Variants in SASH1 observed in about 807,000 individuals in gnomAD.
SASH1 encodes the protein SAM and SH3 domain containing 1, also known as SAM and SH3 domain-containing protein 1.
SASH1 carries 44 observed loss-of-function variants against 125.2 expected under a neutral mutation model. The ratio of observed to expected loss-of-function variants is 0.35; its 90% CI spans 0.28 to 0.45. SASH1 has a LOEUF of 0.45. Ranked by LOEUF, SASH1 falls within the 20% of genes least tolerant of loss-of-function variation. The probability of loss-of-function intolerance (pLI) is 1.00; values close to 1 mark genes in which losing one functional copy is unlikely to be tolerated. For synonymous variants in SASH1, 639 were observed against 649.1 expected (o/e 0.98, Z 0.24); for missense variants, 1,426 against 1,614.5 (o/e 0.88, Z 2.00).
Position 148,544,353 on chromosome 6 carries a change from C to A in SASH1, c.2883C>A (p.His961Gln). ...HRKGHEFEGT[H>Q]HPLGTKEGVD... is the part of the protein sequence containing the mutation. ...AAGGACACGAGTTTGAAGGAACACA[C>A]CATCCCCTGGGCACCAAAGAAGGGG... The change falls in exon 18 of 20, where the codon CAC becomes CAA. Residue 961 changes from histidine (H) to glutamine (Q), a missense_variant. Physicochemically the swap from His to Gln is conservative, Grantham distance 24. Around this residue, in one of 3 missense-constraint regions of SASH1, gnomAD observed 634 missense variants for 694.4 expected, o/e 0.91. Transcript: ENST00000367467. This position sits in a 1 kb window ranked among gnomAD's most constrained non-coding sequence, Gnocchi z 6.4. 6.2e-7 allele frequency: 1 copy of A among 1,614,152 alleles called. No individual in the cohort carries two copies. Among genetic ancestry groups the A allele is most frequent in the Non-Finnish European group, 8.5e-7 (1 of 1,180,022 alleles).
intron 18 of SASH1, 82 bp from the exon 19 acceptor site, chr6:148,545,933 T>G: frequency 7.2e-7 from 1 of 1,381,172 alleles, no homozygotes; most frequent in Non-Finnish European, 1.0e-6. Context: ...AGTGAGACCC[T>G]ACGTTATATG....
At chr6:148,300,636 T>G (rs1448594258) in intron 1 of SASH1, among the ~76,000 whole-genome samples, 1 of 151,818 alleles carries the variant, frequency 6.6e-6, no homozygotes, top group Non-Finnish European at 1.5e-5. Context: ...ATATTTATAT[T>G]CTTACTGGCT....
At chr6:148,297,658 T>A (rs1779800320) in intron 1 of SASH1, among the ~76,000 whole-genome samples, 1 of 152,050 alleles carries the variant, frequency 6.6e-6, no homozygotes, top group Non-Finnish European at 1.5e-5. Flanking sequence ...TGAAACACTG[T>A]CTCCACTGAA....
the SASH1 span, among the ~76,000 whole-genome samples, chr6:148,239,156 G>A: frequency 6.6e-6 from 1 of 152,224 alleles, no homozygotes; most frequent in South Asian, 2.1e-4. Context: ...CTGATTCTAC[G>A]TACATTTGTT....
At chr6:148,517,245 G>T (rs540938918) in intron 9 of SASH1, among the ~76,000 whole-genome samples, 2 of 152,194 alleles carry the variant, frequency 1.3e-5, no homozygotes, top group Non-Finnish European at 2.9e-5. Flanking sequence ...GAGCCAGGAA[G>T]TAATTGCCCA....
intron 4 of SASH1, among the ~76,000 whole-genome samples, chr6:148,459,025 C>G (rs1252649528): frequency 6.7e-6 from 1 of 148,316 alleles, no homozygotes; most frequent in African/African-American, 2.5e-5. Flanking sequence ...CACACACACC[C>G]TCTAGCATAT....
chr6:148,273,720 C>T (rs929863064), intron 1 of SASH1, among the ~76,000 whole-genome samples: 3 of 152,206 alleles, frequency 2.0e-5, no homozygotes, highest in Admixed American at 6.5e-5. Context: ...CCCTGCCTGG[C>T]CTGAGGGCCT....
intron 1 of SASH1, chr6:148,272,387 C>T (rs1157787346): frequency 2.1e-6 from 1 of 470,112 alleles, no homozygotes; most frequent in Admixed American, 2.4e-5. Flanking sequence ...GGTATGTAGG[C>T]TGTCTGTTTT....
Position 148,544,830 on chromosome 6 carries a change from C to T in SASH1, c.3348+12C>T. The T allele has an allele frequency of 6.4e-7, 1 of 1,558,252 alleles. No individual in the cohort carries two copies. The highest frequency in any genetic ancestry group is 8.7e-7 in the Non-Finnish European group (1 of 1,150,430). ...CGTATTCTGATAAGGTATCAAAGGTCCTGGGCCCACCACGTTCACAGGCCT... is the reference window on the plus strand; with the variant it reads ...CGTATTCTGATAAGGTATCAAAGGTTCTGGGCCCACCACGTTCACAGGCCT... On this transcript the variant is annotated intron_variant, in intron 18 of 19. Coordinates refer to ENST00000367467, the MANE Select transcript of SASH1 (RefSeq NM_015278.5). This position sits in a 1 kb window ranked among gnomAD's most constrained non-coding sequence, Gnocchi z 6.4.
intron 2 of SASH1, among the ~76,000 whole-genome samples, chr6:148,438,991 A>T (rs893925499): frequency 1.3e-5 from 2 of 152,176 alleles, no homozygotes; most frequent in African/African-American, 4.8e-5. Flanking sequence ...CTTTATTGCT[A>T]CTTTTATACA....
intron 1 of SASH1, among the ~76,000 whole-genome samples, chr6:148,358,804 C>T (rs1242398079): frequency 1.4e-5 from 2 of 139,162 alleles, no homozygotes; most frequent in Admixed American, 1.6e-4. Context: ...GGCGTGATCT[C>T]GGCTCACTGC....
At chr6:148,323,944 A>G (rs1179878247) in intron 1 of SASH1, among the ~76,000 whole-genome samples, 1 of 151,782 alleles carries the variant, frequency 6.6e-6, no homozygotes, top group Non-Finnish European at 1.5e-5. Context: ...GGCCAACATG[A>G]CGAAACTCTG....
chr6:148,434,926 C>T (rs549442721), intron 2 of SASH1, among the ~76,000 whole-genome samples: 1 of 152,158 alleles, frequency 6.6e-6, no homozygotes, highest in East Asian at 1.9e-4. Context: ...AGGATGTAGC[C>T]AGGTGCAGGG....
intron 1 of SASH1, among the ~76,000 whole-genome samples, chr6:148,319,256 T>G (rs7748554): frequency 1.3e-4 from 19 of 150,838 alleles, no homozygotes; most frequent in African/African-American, 4.1e-4. Flanking sequence ...AGGATGGTCT[T>G]GATCTCCTGA....
At chr6:148,240,357 A>C in the SASH1 span, among the ~76,000 whole-genome samples, 1 of 152,174 alleles carries the variant, frequency 6.6e-6, no homozygotes, top group East Asian at 1.9e-4. Flanking sequence ...ATAATTGCTA[A>C]TGAATATAAT....
At chr6:148,283,205 A>AG (rs1317732651) in intron 1 of SASH1, 1 of 152,270 alleles carries the variant, frequency 6.6e-6, no homozygotes, top group Non-Finnish European at 1.5e-5. Flanking sequence ...TGAAGAGGAC[A>AG]GGGACAAAGA....
At chr6:148,229,344 C>G in the SASH1 span, among the ~76,000 whole-genome samples, 1 of 151,896 alleles carries the variant, frequency 6.6e-6, no homozygotes, top group Admixed American at 6.6e-5. Context: ...CATGTCTACC[C>G]TAATGCTGAT....
the SASH1 span, among the ~76,000 whole-genome samples, chr6:148,260,423 AT>A: frequency 6.6e-6 from 1 of 152,048 alleles, no homozygotes; most frequent in Admixed American, 6.6e-5. Context: ...CCTAGGCAAT[AT>A]AGCAAGAATG....
chr6:148,356,491 G>A (rs1048677335), intron 1 of SASH1, among the ~76,000 whole-genome samples: 2 of 70,058 alleles, frequency 2.9e-5, no homozygotes, highest in Admixed American at 1.6e-4. Context: ...TCTACTTTTA[G>A]TTCTTTTTTT....
Sources: gnomAD v4.1 joint callset for allele counts (sites outside exome capture counted in the v4.1 genomes callset) on GRCh38, gnomAD v4.1.1 for gene constraint, gnomAD v4.1.1 regional missense constraint, Gnocchi (gnomAD v3.1) non-coding constraint, MANE v1.5 for transcripts, NCBI Gene and HGNC (gene_info 2026-07-23, HGNC 2026-07-21) for gene names.